Variants in GALNT17 observed in about 807,000 individuals in gnomAD.
GALNT17 encodes the protein polypeptide N-acetylgalactosaminyltransferase 17.
A neutral mutation model predicts 63.7 loss-of-function variants in GALNT17; 29 were observed. The observed-to-expected ratio is 0.46, with a 90% CI of 0.34 to 0.62. The LOEUF (loss-of-function observed/expected upper bound fraction) is 0.62. GALNT17 is among the 20% of genes least tolerant of loss of function. The pLI is 0.01. For synonymous variants in GALNT17, 305 were observed against 318.3 expected (o/e 0.96, Z 0.45); for missense variants, 603 against 799.6 (o/e 0.75, Z 2.97).
intron 6 of GALNT17, among the ~76,000 whole-genome samples, chr7:71,623,713 G>A (rs1033966678): frequency 2.6e-5 from 4 of 152,142 alleles, no homozygotes; most frequent in Admixed American, 6.5e-5. Flanking sequence ...TGGGATTACC[G>A]GCGTGAGCCA....
At chr7:71,269,574 A>C (rs1790549550) in intron 1 of GALNT17, among the ~76,000 whole-genome samples, 1 of 152,090 alleles carries the variant, frequency 6.6e-6, no homozygotes, top group African/African-American at 2.4e-5. Context: ...GGAAGTATGG[A>C]GGGCCATGCC....
chr7:71,299,369 C>G (rs576127034), intron 1 of GALNT17, among the ~76,000 whole-genome samples: 1 of 152,318 alleles, frequency 6.6e-6, no homozygotes, highest in African/African-American at 2.4e-5. Context: ...GTGCCAAGTA[C>G]TCAACACATG....
intron 5 of GALNT17, among the ~76,000 whole-genome samples, chr7:71,511,326 A>C (rs187622129): frequency 6.8e-4 from 104 of 152,288 alleles, no homozygotes; most frequent in Admixed American, 1.6e-3. Flanking sequence ...GAGTGTGGGT[A>C]ATAGGGGTTG....
intron 6 of GALNT17, among the ~76,000 whole-genome samples, chr7:71,647,145 A>G (rs796948518): frequency 9.3e-5 from 14 of 150,604 alleles, no homozygotes; most frequent in South Asian, 2.1e-4. Flanking sequence ...GCTGACTGCA[A>G]CCTCCACCTC....
intron 5 of GALNT17, among the ~76,000 whole-genome samples, chr7:71,449,649 T>C (rs1272496703): frequency 6.6e-6 from 1 of 152,216 alleles, no homozygotes; most frequent in Non-Finnish European, 1.5e-5. Flanking sequence ...CTCTGAGTTT[T>C]TCTTGGCGAC....
chr7:71,213,465 C>T (rs200171120), intron 1 of GALNT17, among the ~76,000 whole-genome samples: 1 of 74,328 alleles, frequency 1.3e-5, no homozygotes, highest in African/African-American at 3.0e-5. Context: ...TTTATAAATA[C>T]ATAGTGTTCT....
rs1787250759 is a variant in GALNT17, at chr7:71,450,927, TA to T, written c.962+29823del. 9.5e-5 allele frequency among the ~76,000 whole-genome samples: 5 copies of T among 52,888 alleles called. No individual in the cohort carries two copies. In the South Asian group the frequency reaches 3.0e-3, roughly 32 times the overall value. 34.7% of individuals were successfully genotyped at this position (52,888 alleles called of 152,430 possible). A position where few individuals can be genotyped will look rare whatever the true frequency, so the allele number is the denominator to read the frequency against. ...GATTGCATGGCGTTTTTCTTTTTTT[TA>T]TTCTTTTTTTTTTTTATTATACTCT... On this transcript the variant is annotated intron_variant, in intron 5 of 10. Coordinates refer to ENST00000333538, the MANE Select transcript of GALNT17 (RefSeq NM_022479.3).
chr7:71,559,635 A>G (rs1201919649), intron 5 of GALNT17, among the ~76,000 whole-genome samples: 1 of 152,104 alleles, frequency 6.6e-6, no homozygotes, highest in East Asian at 1.9e-4. Context: ...GCCATGGTGT[A>G]AGGATCGCTT....
chr7:71,295,578 T>C (rs898856595), intron 1 of GALNT17, among the ~76,000 whole-genome samples: 3 of 149,948 alleles, frequency 2.0e-5, no homozygotes, highest in Admixed American at 6.6e-5. Context: ...TTCCTTTTCC[T>C]ACCTTCCTTC....
At chr7:71,526,805 C>T (rs764560915) in intron 5 of GALNT17, among the ~76,000 whole-genome samples, 19 of 152,208 alleles carry the variant, frequency 1.2e-4, no homozygotes, top group Non-Finnish European at 1.8e-4. Flanking sequence ...TGACCCACTG[C>T]ACCTGGCCAA....
chr7:71,503,459 A>G (rs1788214854), intron 5 of GALNT17, among the ~76,000 whole-genome samples: 1 of 152,090 alleles, frequency 6.6e-6, no homozygotes, highest in African/African-American at 2.4e-5. Context: ...CTGGTCTTGA[A>G]CTACTGACCT....
chr7:71,578,465 G>T (rs916236024), intron 6 of GALNT17, among the ~76,000 whole-genome samples: 1 of 152,062 alleles, frequency 6.6e-6, no homozygotes, highest in African/African-American at 2.4e-5. Flanking sequence ...TCCCAAGTAG[G>T]TGGGACTGCA....
intron 1 of GALNT17, among the ~76,000 whole-genome samples, chr7:71,199,659 G>A (rs1348061188): frequency 1.3e-5 from 1 of 78,526 alleles, no homozygotes. Flanking sequence ...CCATCCATCT[G>A]TCCATCCTTC....
intron 1 of GALNT17, among the ~76,000 whole-genome samples, chr7:71,178,533 G>C (rs1788680727): frequency 6.6e-6 from 1 of 151,992 alleles, no homozygotes; most frequent in South Asian, 2.1e-4. Flanking sequence ...GTATTGAATG[G>C]ACTGATATTG....
chr7:71,338,963 C>G (rs1279919308), intron 2 of GALNT17, among the ~76,000 whole-genome samples: 2 of 152,116 alleles, frequency 1.3e-5, no homozygotes, highest in Non-Finnish European at 2.9e-5. Flanking sequence ...TATACATCAC[C>G]CCTGCTGGAA....
At chr7:71,547,612 C>T (rs1789007975) in intron 5 of GALNT17, among the ~76,000 whole-genome samples, 1 of 152,030 alleles carries the variant, frequency 6.6e-6, no homozygotes, top group Admixed American at 6.6e-5. Context: ...AACTTAAGCC[C>T]GGCCTCTGGT....
At chr7:71,486,874 C>CA (rs1290382542) in intron 5 of GALNT17, among the ~76,000 whole-genome samples, 53 of 147,644 alleles carry the variant, frequency 3.6e-4, no homozygotes, top group African/African-American at 1.0e-3. Context: ...AAAAAAAAAA[C>CA]AAAAAAAAAC....
At chr7:71,490,518 T>G (rs534445756) in intron 5 of GALNT17, among the ~76,000 whole-genome samples, 1 of 152,098 alleles carries the variant, frequency 6.6e-6, no homozygotes. Context: ...GACTAGTTGG[T>G]GTTCTCTGGG....
chr7:71,403,736 C>A (rs902594292), intron 3 of GALNT17, among the ~76,000 whole-genome samples: 1 of 152,170 alleles, frequency 6.6e-6, no homozygotes, highest in Non-Finnish European at 1.5e-5. Context: ...TTATTCCACT[C>A]CCGGCTGCCA....
Sources: allele counts gnomAD v4.1 joint callset (sites outside exome capture counted in the v4.1 genomes callset), GRCh38; gene constraint gnomAD v4.1.1; transcripts MANE v1.5; gene names NCBI Gene and HGNC (gene_info 2026-07-23, HGNC 2026-07-21).